The following NXPH2 variants were observed in gnomAD, a reference collection of about 807,000 sequenced individuals.
The protein encoded by NXPH2 is neurexophilin-2.
Under a neutral mutation model 19.8 loss-of-function variants are expected in NXPH2, and 5 were observed. That is an observed-to-expected ratio of 0.25 (90% CI 0.13 to 0.53). The LOEUF (loss-of-function observed/expected upper bound fraction) is 0.53. Among genes scored for constraint, NXPH2 ranks in the 20% least tolerant of loss-of-function variants. NXPH2 has a pLI of 0.96. For missense variants in NXPH2, 289 were observed against 322.8 expected (o/e 0.90, Z 0.80); for synonymous variants, 154 against 127.4 (o/e 1.21, Z -1.41).
chr2:138,745,240 A>G (rs1681706465), intron 1 of NXPH2, among the ~76,000 whole-genome samples: 1 of 152,228 alleles, frequency 6.6e-6, no homozygotes, highest in South Asian at 2.1e-4. Flanking sequence ...TCCCTGAAAC[A>G]GGATCAATAG....
At chr2:138,761,996 A>G (rs1400531189) in intron 1 of NXPH2, among the ~76,000 whole-genome samples, 1 of 152,208 alleles carries the variant, frequency 6.6e-6, no homozygotes, top group Admixed American at 6.5e-5. Context: ...TGAAACTTAG[A>G]TAAGTTTGTG....
intron 1 of NXPH2, among the ~76,000 whole-genome samples, chr2:138,751,134 A>G (rs1039052761): frequency 6.7e-6 from 1 of 150,160 alleles, no homozygotes; most frequent in Non-Finnish European, 1.5e-5. Context: ...TTTCTGCTAG[A>G]ATATATGCTC....
chr2:138,741,436 T>C (rs1681640120), intron 1 of NXPH2, among the ~76,000 whole-genome samples: 1 of 152,178 alleles, frequency 6.6e-6, no homozygotes, highest in Non-Finnish European at 1.5e-5. Flanking sequence ...TAGAGAATGC[T>C]AGAAAAACAG....
chr2:138,670,121 C>A lies in NXPH2; in HGVS notation c.*801G>T, dbSNP rs1381986094. Among the ~76,000 whole-genome samples, 1 of 152,220 alleles carries A rather than the reference C, an allele frequency of 6.6e-6. No individual in the cohort carries two copies. Among genetic ancestry groups the A allele is most frequent in the African/African-American group, 2.4e-5 (1 of 41,450 alleles). On this transcript the variant is annotated 3_prime_UTR_variant, in exon 2 of 2. Coordinates refer to ENST00000272641, the MANE Select transcript of NXPH2 (RefSeq NM_007226.3). The stretch of plus-strand genomic sequence containing the variant: ...GAATAAAGCTCTAAGCTATAGGATG[C>A]ATACAAATTTTGTCATTTTTTGATT...
At chr2:138,698,009 C>T (rs12613846) in intron 1 of NXPH2, among the ~76,000 whole-genome samples, 36,702 of 151,828 alleles carry the variant, frequency 0.24, 5,165 homozygotes, top group East Asian at 0.54. Context: ...ATAATATGCA[C>T]CAAAAAACCT....
chr2:138,743,631 T>C (rs1681678145), intron 1 of NXPH2, among the ~76,000 whole-genome samples: 1 of 152,172 alleles, frequency 6.6e-6, no homozygotes, highest in Non-Finnish European at 1.5e-5. Context: ...GTGAATATAC[T>C]GAAACCCACA....
chr2:138,733,129 T>C (rs905038110), intron 1 of NXPH2, among the ~76,000 whole-genome samples: 7 of 152,184 alleles, frequency 4.6e-5, no homozygotes, highest in African/African-American at 1.7e-4. Flanking sequence ...TGGTTTTTCT[T>C]GTACATCCAT....
intron 1 of NXPH2, among the ~76,000 whole-genome samples, chr2:138,763,055 A>G (rs1418549644): frequency 6.6e-6 from 1 of 152,240 alleles, no homozygotes; most frequent in Non-Finnish European, 1.5e-5. Context: ...TCATGAAATA[A>G]TCACTTTAAT....
intron 1 of NXPH2, among the ~76,000 whole-genome samples, chr2:138,721,321 T>C (rs941515797): frequency 3.3e-5 from 5 of 149,750 alleles, no homozygotes; most frequent in East Asian, 2.0e-4. Context: ...AAGCTGGAGA[T>C]AGAGCAAGAC....
chr2:138,751,678 C>T (rs954931229), intron 1 of NXPH2, among the ~76,000 whole-genome samples: 2 of 151,990 alleles, frequency 1.3e-5, no homozygotes, highest in Admixed American at 6.6e-5. Context: ...TTTTTCTTGG[C>T]CACCAGATAA....
intron 1 of NXPH2, among the ~76,000 whole-genome samples, chr2:138,710,183 A>G (rs573297333): frequency 1.5e-4 from 23 of 152,186 alleles, no homozygotes; most frequent in African/African-American, 5.3e-4. Flanking sequence ...TTTGTGTCTC[A>G]CTTGTATCAC....
intron 1 of NXPH2, among the ~76,000 whole-genome samples, chr2:138,729,023 T>A (rs1681403969): frequency 6.6e-6 from 1 of 152,210 alleles, no homozygotes; most frequent in African/African-American, 2.4e-5. Flanking sequence ...TTTCTTTTCA[T>A]ACATATTAGT....
chr2:138,686,254 T>A (rs1680648605), intron 1 of NXPH2, among the ~76,000 whole-genome samples: 2 of 152,022 alleles, frequency 1.3e-5, no homozygotes, highest in Non-Finnish European at 2.9e-5. Flanking sequence ...CCTAGTGGGG[T>A]CTTCTTTCTC....
chr2:138,688,022 G>T (rs1245811103), intron 1 of NXPH2, among the ~76,000 whole-genome samples: 1 of 152,138 alleles, frequency 6.6e-6, no homozygotes, highest in Non-Finnish European at 1.5e-5. Flanking sequence ...GGCAATGCGG[G>T]CCCTTTTTTG....
At chr2:138,777,690 CA>C (rs1682287013) in intron 1 of NXPH2, among the ~76,000 whole-genome samples, 1 of 151,488 alleles carries the variant, frequency 6.6e-6, no homozygotes, top group South Asian at 2.1e-4. Flanking sequence ...ACTAAATGTT[CA>C]ATATGCCCAA....
At chr2:138,741,726 T>A (rs1207030810) in intron 1 of NXPH2, among the ~76,000 whole-genome samples, 2 of 152,212 alleles carry the variant, frequency 1.3e-5, no homozygotes, top group African/African-American at 4.8e-5. Flanking sequence ...CTTTCTGCAG[T>A]GGTTACAACT....
chr2:138,722,796 T>C, intron 1 of NXPH2, among the ~76,000 whole-genome samples: 1 of 152,174 alleles, frequency 6.6e-6, no homozygotes, highest in East Asian at 1.9e-4. Context: ...GCTGGTCTTG[T>C]AAGAATAAAA....
At chr2:138,691,749 G>A (rs555042398) in intron 1 of NXPH2, among the ~76,000 whole-genome samples, 1 of 152,258 alleles carries the variant, frequency 6.6e-6, no homozygotes, top group Admixed American at 6.5e-5. Context: ...AGTGCAAACT[G>A]CCAGCCATCC....
chr2:138,680,178 C>G (rs1317271948), intron 1 of NXPH2, among the ~76,000 whole-genome samples: 1 of 152,138 alleles, frequency 6.6e-6, no homozygotes, highest in East Asian at 1.9e-4. Context: ...GTAACTTAAC[C>G]ATCCCAGCAC....
Sources: allele counts gnomAD v4.1 joint callset (sites outside exome capture counted in the v4.1 genomes callset), GRCh38; gene constraint gnomAD v4.1.1; transcripts MANE v1.5; gene names NCBI Gene and HGNC (gene_info 2026-07-23, HGNC 2026-07-21).